The following RANBP2 variants were observed in gnomAD, a reference collection of about 807,000 sequenced individuals.
RANBP2 encodes the protein RAN binding protein 2, also known as E3 SUMO-protein ligase RanBP2.
RANBP2 carries 57 observed loss-of-function variants against 303.6 expected under a neutral mutation model. The ratio of observed to expected loss-of-function variants is 0.19; its 90% CI spans 0.15 to 0.23. The LOEUF (loss-of-function observed/expected upper bound fraction) is 0.23. Among genes scored for constraint, RANBP2 ranks in the 10% least tolerant of loss-of-function variants. The pLI is 1.00. For missense variants in RANBP2, 3,138 were observed against 3,780.8 expected (o/e 0.83, Z 4.46); for synonymous variants, 1,167 against 1,301.5 (o/e 0.90, Z 2.23).
At chr2:109,377,205 C>T in the RANBP2 span, among the ~76,000 whole-genome samples, 1 of 152,170 alleles carries the variant, frequency 6.6e-6, no homozygotes, top group African/African-American at 2.4e-5. Context: ...GGTGCACACT[C>T]CTCTCCACTT....
At chr2:108,737,069 A>G (rs1695646070) in intron 6 of RANBP2, among the ~76,000 whole-genome samples, 1 of 149,944 alleles carries the variant, frequency 6.7e-6, no homozygotes, top group South Asian at 2.1e-4. Flanking sequence ...TTATTTCCCC[A>G]TCTGGTATAA....
At chr2:108,849,031 C>T in the RANBP2 span, among the ~76,000 whole-genome samples, 2 of 151,872 alleles carry the variant, frequency 1.3e-5, no homozygotes, top group South Asian at 2.1e-4. Flanking sequence ...ATGGAAGATA[C>T]GGGATAAAAA....
the RANBP2 span, chr2:109,545,328 CA>C: frequency 6.7e-7 from 1 of 1,486,010 alleles, no homozygotes; most frequent in Non-Finnish European, 8.9e-7. Context: ...AGGAAATTAT[CA>C]AAAAGGAAAA....
the RANBP2 span, among the ~76,000 whole-genome samples, chr2:109,658,128 T>C: frequency 9.8e-4 from 149 of 152,140 alleles, 1 homozygote; most frequent in Admixed American, 2.0e-3. Context: ...CTCACTTTTT[T>C]CCTCAATTTA....
chr2:109,221,019 GAC>G, the RANBP2 span, among the ~76,000 whole-genome samples: 1 of 152,096 alleles, frequency 6.6e-6, no homozygotes, highest in Non-Finnish European at 1.5e-5. Flanking sequence ...ACTGACAGAT[GAC>G]AGGGTAAACA....
the RANBP2 span, among the ~76,000 whole-genome samples, chr2:109,536,123 C>G: frequency 3.4e-3 from 516 of 152,010 alleles, 5 homozygotes; most frequent in African/African-American, 0.012. Flanking sequence ...CAGAGCCAAA[C>G]AGAGTCCCTA....
chr2:109,308,157 A>G, the RANBP2 span, among the ~76,000 whole-genome samples: 50 of 140,888 alleles, frequency 3.5e-4, 1 homozygote, highest in Admixed American at 3.5e-3. Context: ...TTTGATTTGC[A>G]TTTCCCTGAT....
the RANBP2 span, among the ~76,000 whole-genome samples, chr2:109,332,044 G>C: frequency 6.6e-6 from 1 of 152,170 alleles, no homozygotes; most frequent in Non-Finnish European, 1.5e-5. Flanking sequence ...GTGGCTTTCT[G>C]CTTTAGCTAA....
rs776214000 is a variant in RANBP2, at chr2:108,781,289, A to G, written c.8620A>G (p.Asn2874Asp). ...ATCAGATAAAAATTTCCAATGGGCA[A>G]ATACTGGAGCAGCTGTGTTTGGAAC... ...GSKDKNFQWA[N>D]TGAAVFGTQS... Residue 2874 changes from asparagine (N) to aspartate (D), a missense_variant, in exon 26 of 29, where the codon AAT becomes GAT. By Grantham distance (23) the Asn-to-Asp change is conservative (BLOSUM62 1). Transcript: ENST00000283195. 1.9e-6 allele frequency: 3 copies of G among 1,614,066 alleles called. No individual in the cohort carries two copies. Among genetic ancestry groups the G allele is most frequent in the Admixed American group, 1.7e-5 (1 of 60,002 alleles).
the RANBP2 span, among the ~76,000 whole-genome samples, chr2:109,169,441 G>T: frequency 1.3e-5 from 2 of 152,132 alleles, no homozygotes; most frequent in Non-Finnish European, 2.9e-5. Context: ...TCAGCTCCCT[G>T]TGGTGGAGGA....
the RANBP2 span, among the ~76,000 whole-genome samples, chr2:109,711,181 C>T: frequency 1.1e-4 from 17 of 152,082 alleles, no homozygotes; most frequent in Non-Finnish European, 7.4e-5. Context: ...TCAGCCGCCC[C>T]GGCAAGTCCC....
At chr2:108,995,519 AACAG>A in the RANBP2 span, among the ~76,000 whole-genome samples, 6 of 152,190 alleles carry the variant, frequency 3.9e-5, no homozygotes, top group African/African-American at 1.4e-4. Flanking sequence ...AATGGGAATA[AACAG>A]GCATTTTAAC....
the RANBP2 span, chr2:109,614,292 C>CG: frequency 1.9e-6 from 1 of 514,698 alleles, no homozygotes; most frequent in South Asian, 1.0e-4. Context: ...GGCGTGGGCG[C>CG]GGGGCGGGGG....
the RANBP2 span, among the ~76,000 whole-genome samples, chr2:109,549,819 A>G: frequency 2.0e-5 from 3 of 152,338 alleles, no homozygotes; most frequent in East Asian, 5.8e-4. Context: ...TAGAACAATT[A>G]TAACAATGTA....
At chr2:109,646,680 AT>A in the RANBP2 span, among the ~76,000 whole-genome samples, 1 of 81,754 alleles carries the variant, frequency 1.2e-5, no homozygotes, top group East Asian at 3.2e-4. Flanking sequence ...TTTTTTTTGT[AT>A]TTTTTGTAGA....
the RANBP2 span, among the ~76,000 whole-genome samples, chr2:109,480,754 G>A: frequency 6.6e-6 from 1 of 152,152 alleles, no homozygotes; most frequent in Admixed American, 6.5e-5. Context: ...GATCCCCTGG[G>A]CTCACCTGGC....
the RANBP2 span, among the ~76,000 whole-genome samples, chr2:109,468,830 G>A: frequency 6.8e-6 from 1 of 146,808 alleles, no homozygotes; most frequent in South Asian, 2.2e-4. Context: ...CTCCAGCCTG[G>A]GCAACAAAGC....
the RANBP2 span, among the ~76,000 whole-genome samples, chr2:109,740,601 T>C: frequency 1.3e-5 from 2 of 152,060 alleles, no homozygotes; most frequent in Non-Finnish European, 2.9e-5. Flanking sequence ...TATAAAAGAA[T>C]AGAAAAAGTA....
At chr2:109,211,847 T>C in the RANBP2 span, among the ~76,000 whole-genome samples, 1 of 152,152 alleles carries the variant, frequency 6.6e-6, no homozygotes. Flanking sequence ...TTCCCCATGT[T>C]GGCCAGGCTG....
Sources: allele counts gnomAD v4.1 joint callset (sites outside exome capture counted in the v4.1 genomes callset), GRCh38; gene constraint gnomAD v4.1.1; transcripts MANE v1.5; gene names NCBI Gene and HGNC (gene_info 2026-07-23, HGNC 2026-07-21).